The following ANKRD30B variants were observed in gnomAD, a reference collection of about 807,000 sequenced individuals.
ANKRD30B encodes the protein ankyrin repeat domain 30B, also known as ankyrin repeat domain-containing protein 30B.
In ANKRD30B, 144 loss-of-function variants were observed where a neutral mutation model predicts 202.2. The ratio of observed to expected loss-of-function variants is 0.71; its 90% CI spans 0.62 to 0.82. The LOEUF is 0.82. ANKRD30B is among the 40% of genes least tolerant of loss of function. The pLI, the probability that ANKRD30B is intolerant of heterozygous loss-of-function variation, is 0.00. For missense variants in ANKRD30B, 1,487 were observed against 1,669.1 expected (o/e 0.89, Z 1.90); for synonymous variants, 508 against 561.3 (o/e 0.91, Z 1.34).
the ANKRD30B span, among the ~76,000 whole-genome samples, chr18:14,861,711 A>T: frequency 6.6e-6 from 1 of 151,884 alleles, no homozygotes; most frequent in Non-Finnish European, 1.5e-5. Flanking sequence ...CAGTAAGCAG[A>T]TTAGTTAGGC....
the ANKRD30B span, among the ~76,000 whole-genome samples, chr18:14,937,678 C>T: frequency 3.3e-5 from 5 of 152,316 alleles, no homozygotes; most frequent in Non-Finnish European, 7.3e-5. Context: ...GAGCCGGTTC[C>T]CGCTCTGTGA....
At chr18:14,885,784 A>T in the ANKRD30B span, among the ~76,000 whole-genome samples, 1 of 151,856 alleles carries the variant, frequency 6.6e-6, no homozygotes, top group Non-Finnish European at 1.5e-5. Flanking sequence ...TATGGTTTTT[A>T]TATTTTTATA....
intron 16 of ANKRD30B, 141 bp from the exon 17 acceptor site, chr18:14,796,080 A>G (rs1464223678): frequency 5.1e-5 from 46 of 907,444 alleles, no homozygotes; most frequent in Non-Finnish European, 7.6e-5. Context: ...CAAATACAAA[A>G]GCCCAAAAGA....
At chr18:14,847,754 A>G (rs558543861) in intron 39 of ANKRD30B, among the ~76,000 whole-genome samples, 1 of 151,712 alleles carries the variant, frequency 6.6e-6, no homozygotes, top group South Asian at 2.1e-4. Context: ...CAGACTATTC[A>G]TTTTCCTGTG....
In ANKRD30B at chr18:14,791,502, T is replaced by C. The variant is rs771030839; in HGVS notation, c.1825+11T>C. 2.0e-5 allele frequency: 32 copies of C among 1,590,102 alleles called. No individual in the cohort carries two copies. The highest frequency in any genetic ancestry group is 1.1e-4 in the South Asian group (10 of 88,648). ...GTGGAAAATTAGAAGGTAAGAACCATTTTTTAATTAAAAAGTCATTTGACC... is the reference window on the plus strand; with the variant it reads ...GTGGAAAATTAGAAGGTAAGAACCACTTTTTAATTAAAAAGTCATTTGACC... On this transcript the variant is annotated intron_variant, in intron 16 of 43. Coordinates refer to ENST00000690538, the MANE Select transcript of ANKRD30B (RefSeq NM_001367607.2).
chr18:14,896,812 A>T, the ANKRD30B span, among the ~76,000 whole-genome samples: 2 of 145,206 alleles, frequency 1.4e-5, no homozygotes, highest in Non-Finnish European at 3.0e-5. Flanking sequence ...GGAATGGAAA[A>T]CAAGAGCCAG....
At chr18:14,903,949 T>A in the ANKRD30B span, among the ~76,000 whole-genome samples, 2 of 152,232 alleles carry the variant, frequency 1.3e-5, no homozygotes, top group African/African-American at 4.8e-5. Flanking sequence ...CCACTACATT[T>A]GATATATACT....
intron 7 of ANKRD30B, among the ~76,000 whole-genome samples, chr18:14,764,881 C>T (rs542001865): frequency 6.6e-6 from 1 of 152,200 alleles, no homozygotes; most frequent in Non-Finnish European, 1.5e-5. Context: ...CTAAGCCAGT[C>T]ACTAGGAAAG....
In ANKRD30B at chr18:14,752,685, ATAG is replaced by A. The variant is rs1567975575; in HGVS notation, c.336+9_336+11del. 6.3e-6 allele frequency: 10 copies of A among 1,593,470 alleles called. No individual in the cohort carries two copies. Among genetic ancestry groups the A allele is most frequent in the African/African-American group, 2.7e-5 (2 of 74,604 alleles). On this transcript the variant is annotated splice_donor_region_variant and intron_variant, in intron 2 of 43. Coordinates refer to ENST00000690538, the MANE Select transcript of ANKRD30B (RefSeq NM_001367607.2). ...GGGAGGACACCTCTGATGAAGGTAA[ATAG>A]TAGCCAGTTTTTTCAGCGGGAGATG...
At chr18:14,902,192 C>A in the ANKRD30B span, among the ~76,000 whole-genome samples, 2 of 152,106 alleles carry the variant, frequency 1.3e-5, no homozygotes, top group Non-Finnish European at 1.5e-5. Context: ...ACCCCCTCCC[C>A]ACAACATATG....
At chr18:14,937,622 G>A in the ANKRD30B span, among the ~76,000 whole-genome samples, 4 of 151,556 alleles carry the variant, frequency 2.6e-5, no homozygotes, top group South Asian at 4.2e-4. Context: ...CAGGTTCCTC[G>A]AGCTTAATAA....
At chr18:14,917,448 C>T in the ANKRD30B span, among the ~76,000 whole-genome samples, 1 of 152,188 alleles carries the variant, frequency 6.6e-6, no homozygotes, top group Non-Finnish European at 1.5e-5. Flanking sequence ...TGTCCTCAGT[C>T]CCAGGTTTCA....
chr18:14,749,434 G>A (rs917303018), intron 1 of ANKRD30B, among the ~76,000 whole-genome samples: 21 of 152,168 alleles, frequency 1.4e-4, no homozygotes, highest in African/African-American at 4.1e-4. Context: ...CACTTTGGGC[G>A]GCCGAGGCGG....
chr18:14,757,772 A>C lies in ANKRD30B; in HGVS notation c.618-43A>C, dbSNP rs548270838. ...AATTCTACACTGATAGGCACATATT[A>C]AATTGATTCTGCTCATAATAAGTTA... On this transcript the variant is annotated intron_variant, in intron 4 of 43. Coordinates refer to ENST00000690538, the MANE Select transcript of ANKRD30B (RefSeq NM_001367607.2). 6.9e-6 allele frequency: 11 copies of C among 1,594,176 alleles called. No individual in the cohort carries two copies. In the African/African-American group the frequency reaches 1.2e-4, roughly 18 times the overall value.
At position 14,792,729 on chromosome 18, in the gene ANKRD30B, A is replaced by AT. The variant is rs1568016828; in HGVS notation, c.1825+1238_1825+1239insT. On this transcript the variant is annotated intron_variant, in intron 16 of 43. Coordinates refer to ENST00000690538, the MANE Select transcript of ANKRD30B (RefSeq NM_001367607.2). Reference sequence around the variant, plus strand: ...TTTTCTTTATTACTATGAGGCATCAAATATATATATATATATATATGTATA... The same window carrying AT: ...TTTTCTTTATTACTATGAGGCATCAATATATATATATATATATATATGTATA... Among the ~76,000 whole-genome samples, 783 of 147,754 alleles carry AT rather than the reference A, an allele frequency of 5.3e-3. 4 individuals carry two copies. The highest frequency in any genetic ancestry group is 0.019 in the African/African-American group (747 of 39,790).
At chr18:14,845,787 G>T (rs564963933) in intron 39 of ANKRD30B, among the ~76,000 whole-genome samples, 1 of 152,288 alleles carries the variant, frequency 6.6e-6, no homozygotes, top group Middle Eastern at 3.4e-3. Flanking sequence ...CAGATTTGAT[G>T]TCTGAAGAGG....
chr18:14,748,429 C>A lies in ANKRD30B; in HGVS notation c.10C>A (p.Leu4Ile). Reference sequence around the variant, plus strand: ...GCAGGGGGCTGCAGCCATGAAGAGGCTCTTAGCTGCCGCTGGCAAGGGCGT... The same window carrying A: ...GCAGGGGGCTGCAGCCATGAAGAGGATCTTAGCTGCCGCTGGCAAGGGCGT... Reference protein sequence around the residue: MKRLLAAAGKGVRG... With the variant: MKRILAAAGKGVRG... Residue 4 changes from leucine to isoleucine, a missense_variant, in exon 1 of 44, where the codon CTC (leucine) becomes ATC (isoleucine). Around this residue, in one of 6 missense-constraint regions of ANKRD30B, gnomAD observed 889 missense variants for 841.4 expected, o/e 1.06. Coordinates refer to ENST00000690538, the MANE Select transcript of ANKRD30B (RefSeq NM_001367607.2). 2.0e-6 allele frequency: 3 copies of A among 1,507,484 alleles called. No homozygotes were observed. The highest frequency in any genetic ancestry group is 2.7e-6 in the Non-Finnish European group (3 of 1,125,634). 93.4% of individuals were successfully genotyped at this position (1,507,484 alleles called of 1,614,324 possible). A position where few individuals can be genotyped will look rare whatever the true frequency, so the allele number is the denominator to read the frequency against.
At chr18:14,817,729 G>T (rs1004651965) in intron 30 of ANKRD30B, among the ~76,000 whole-genome samples, 5 of 152,092 alleles carry the variant, frequency 3.3e-5, no homozygotes, top group African/African-American at 1.2e-4. Flanking sequence ...TGTATTAATG[G>T]TATCATTATA....
chr18:14,805,545 T>A lies in ANKRD30B; in HGVS notation c.2284+1721T>A, dbSNP rs1383344255. 4.0e-5 allele frequency among the ~76,000 whole-genome samples: 6 copies of A among 150,426 alleles called. 1 individual carries two copies. The highest frequency in any genetic ancestry group is 1.5e-4 in the African/African-American group (6 of 40,626). On this transcript the variant is annotated intron_variant, in intron 24 of 43. Transcript: ENST00000690538. ...TATTTAGTATTATGCTCCAAGTATA[T>A]ATCCAAGCTGATCAATTCATAACAC...
Sources: allele counts gnomAD v4.1 joint callset (sites outside exome capture counted in the v4.1 genomes callset), GRCh38; gene constraint gnomAD v4.1.1; regional missense constraint gnomAD v4.1.1; transcripts MANE v1.5; gene names NCBI Gene and HGNC (gene_info 2026-07-23, HGNC 2026-07-21).